The following CHST5 variants were observed in gnomAD, a reference collection of about 807,000 sequenced individuals.
CHST5 encodes GST4-alpha.
For missense variants in CHST5, 637 were observed against 602.1 expected, an observed-to-expected ratio of 1.06 and a Z score of -0.61; for synonymous variants, 313 against 279.2, an observed-to-expected ratio of 1.12 and a Z score of -1.21.
Position 75,529,733 on chromosome 16 carries a change from G to T in CHST5, c.652C>A (p.Arg218Ser). Reference sequence around the variant, plus strand: ...GGGTCGCGCACCAGGTGCACGATGCGCAGGTTGAGCGCGGGGTCGCTGAGC... The same window carrying T: ...GGGTCGCGCACCAGGTGCACGATGCTCAGGTTGAGCGCGGGGTCGCTGAGC... ...PLLSDPALNL[R>S]IVHLVRDPRA... The change falls in exon 4 of 4, where the codon CGC becomes AGC. Residue 218 changes from arginine to serine, a missense_variant. Transcript: ENST00000336257. 6.2e-7 allele frequency: 1 copy of T among 1,612,984 alleles called. No individual in the cohort carries two copies. The highest frequency in any genetic ancestry group is 8.5e-7 in the Non-Finnish European group (1 of 1,179,738).
At position 75,533,091 on chromosome 16, in the gene CHST5, G is replaced by C; in HGVS notation, c.-1259C>G. 1 of 701,600 alleles carries C rather than the reference G, an allele frequency of 1.4e-6. No homozygotes were observed. Among genetic ancestry groups the C allele is most frequent in the Non-Finnish European group, 2.6e-6 (1 of 384,380 alleles). 43.5% of individuals were successfully genotyped at this position (701,600 alleles called of 1,614,324 possible). On this transcript the variant is annotated splice_region_variant and 5_prime_UTR_variant, in exon 3 of 4. Transcript: ENST00000336257. ...TCCCAAGCTAAGGTGTTTGTTACCT[G>C]TGTTCCAGGAAAGCCAGAGGTCTTC...
rs71394224 is a variant in CHST5 at position 75,529,020 on chromosome 16, G to A, written c.*129C>T. On this transcript the variant is annotated 3_prime_UTR_variant, in exon 4 of 4. Transcript: ENST00000336257. ...ACGTGCAGTCCTTGCCTACTTCAGG[G>A]GAGGACCCCAAACTCCCGGTTGATA... 18,808 of 1,000,496 alleles carry A rather than the reference G, an allele frequency of 0.019. 217 individuals carry two copies. The highest frequency in any genetic ancestry group is 0.022 in the Non-Finnish European group (15,576 of 700,822). 62.0% of individuals were successfully genotyped at this position (1,000,496 alleles called of 1,614,324 possible). A position where few individuals can be genotyped will look rare whatever the true frequency, so the allele number is the denominator to read the frequency against.
chr16:75,530,678 T>G lies in CHST5; in HGVS notation c.-294A>C, dbSNP rs987218536. On this transcript the variant is annotated 5_prime_UTR_variant, in exon 4 of 4. Coordinates refer to ENST00000336257, the MANE Select transcript of CHST5 (RefSeq NM_024533.5). ...TCAAAGAGAACTCCTGTCTTTTGCT[T>G]CAGGATACCTCTTAGAGAGACCCTT... 2.4e-6 allele frequency: 3 copies of G among 1,251,056 alleles called. No homozygotes were observed. The African/African-American group carries it at 4.6e-5, about 19-fold the overall frequency. The allele number at this position is 1,251,056 out of a possible 1,614,324, so 77.5% of individuals were successfully genotyped here.
rs2080486157 is a variant in CHST5 at position 75,529,038 on chromosome 16, G to T, written c.*111C>A. On this transcript the variant is annotated 3_prime_UTR_variant, in exon 4 of 4. Coordinates refer to ENST00000336257, the MANE Select transcript of CHST5 (RefSeq NM_024533.5). ...CTTCAGGGGAGGACCCCAAACTCCC[G>T]GTTGATAGTAGGGACCTGCTTCCCC... 2.5e-6 allele frequency: 3 copies of T among 1,216,906 alleles called. No homozygotes were observed. Among genetic ancestry groups the T allele is most frequent in the Non-Finnish European group, 3.4e-6 (3 of 894,118 alleles). The allele number at this position is 1,216,906 out of a possible 1,614,324, so 75.4% of individuals were successfully genotyped here. A position where few individuals can be genotyped will look rare whatever the true frequency, so the allele number is the denominator to read the frequency against.
chr16:75,534,951 C>A (rs1337471208), intron 2 of CHST5, among the ~76,000 whole-genome samples, 176 bp downstream of exon 2: 1 of 152,216 alleles, frequency 6.6e-6, no homozygotes, highest in African/African-American at 2.4e-5. Flanking sequence ...TCCAAACCAG[C>A]GCTAGCAGGG....
At position 75,530,169 on chromosome 16, in the gene CHST5, GC is replaced by G; in HGVS notation, c.215del (p.Arg72ProfsTer20). 1 of 1,613,642 alleles carries G rather than the reference GC, an allele frequency of 6.2e-7. No individual in the cohort carries two copies. On this transcript the variant is annotated frameshift_variant, in exon 4 of 4. Transcript: ENST00000336257. LOFTEE classifies it low-confidence loss of function (END_TRUNC). ...GCTGGCCCAAGAAGGATGAGCCCGA[GC>G]GCCACGAGGACAGCACCAGCACGTG... is the stretch of plus-strand genomic sequence containing the variant. The part of the protein sequence containing the change: ...RVHVLVLSSW[R>X]SGSSFLGQLF...
At chr16:75,532,001 C>A (rs1036297742) in intron 3 of CHST5, among the ~76,000 whole-genome samples, 1 of 152,152 alleles carries the variant, frequency 6.6e-6, no homozygotes, top group Non-Finnish European at 1.5e-5. Flanking sequence ...TCAATTTGCA[C>A]CTCTGTAGAA....
At chr16:75,533,715 T>C (rs1747044432) in intron 2 of CHST5, among the ~76,000 whole-genome samples, 1 of 151,958 alleles carries the variant, frequency 6.6e-6, no homozygotes, top group Admixed American at 6.6e-5. Flanking sequence ...CTTGCCTCTG[T>C]GTAAAAGGAG....
Position 75,531,642 on chromosome 16 carries a change from T to TG in CHST5, c.-1256-3dup. 7.7e-7 allele frequency: 1 copy of TG among 1,303,762 alleles called. No individual in the cohort carries two copies. The highest frequency in any genetic ancestry group is 1.2e-5 in the South Asian group (1 of 81,014). The allele number at this position is 1,303,762 out of a possible 1,614,324, so 80.8% of individuals were successfully genotyped here. A position where few individuals can be genotyped will look rare whatever the true frequency, so the allele number is the denominator to read the frequency against. On this transcript the variant is annotated splice_region_variant and splice_polypyrimidine_tract_variant and intron_variant, in intron 3 of 3. Coordinates refer to ENST00000336257, the MANE Select transcript of CHST5 (RefSeq NM_024533.5). ...AATCCATGGGAGATGTCTCGACATCTGGCAAAGCAGGAAGGAGAGGAGATC... is the reference window on the plus strand; with the variant it reads ...AATCCATGGGAGATGTCTCGACATCTGGGCAAAGCAGGAAGGAGAGGAGATC...
chr16:75,535,615 G>A (rs992898813), intron 1 of CHST5, among the ~76,000 whole-genome samples: 1 of 152,186 alleles, frequency 6.6e-6, no homozygotes, highest in African/African-American at 2.4e-5. Flanking sequence ...ACGTGGCTGC[G>A]GTCCCAGGGT....
chr16:75,533,012 C>A, intron 3 of CHST5, 77 bp downstream of exon 3: 4 of 643,894 alleles, frequency 6.2e-6, no homozygotes, highest in South Asian at 5.3e-5. Context: ...TGCTCTGGCC[C>A]AAACACAGTT....
chr16:75,530,485 A>C lies in CHST5; in HGVS notation c.-101T>G. ...AAGACTCCCAAGGTCTCAGTCGAGC[A>C]CTTTCCCAGGAATACGGAGTCAAGA... is the stretch of plus-strand genomic sequence containing the variant. On this transcript the variant is annotated 5_prime_UTR_variant, in exon 4 of 4. Coordinates refer to ENST00000336257, the MANE Select transcript of CHST5 (RefSeq NM_024533.5). The C allele has an allele frequency of 6.9e-7, 1 of 1,450,652 alleles. No homozygotes were observed. Among genetic ancestry groups the C allele is most frequent in the Non-Finnish European group, 9.1e-7 (1 of 1,099,750 alleles). 89.9% of individuals were successfully genotyped at this position (1,450,652 alleles called of 1,614,324 possible).
chr16:75,529,448 T>G lies in CHST5; in HGVS notation c.937A>C (p.Thr313Pro). 6.2e-7 allele frequency: 1 copy of G among 1,612,828 alleles called. No homozygotes were observed. Among genetic ancestry groups the G allele is most frequent in the Non-Finnish European group, 8.5e-7 (1 of 1,179,878 alleles). Residue 313 changes from threonine (T) to proline (P), a missense_variant, in exon 4 of 4, where the codon ACC (threonine) becomes CCC (proline). Transcript: ENST00000336257. ...AGCTGTGGCGTGAGGGTCAGGCCGG[T>G]GAAGGCGTAGAGTGCGCGGATCTCT... The part of the protein sequence containing the change: ...LAEIRALYAF[T>P]GLTLTPQLEA...
Position 75,529,504 on chromosome 16 carries a change from C to T in CHST5, c.881G>A (p.Arg294His), listed in dbSNP as rs151105071. The T allele has an allele frequency of 8.7e-6, 14 of 1,611,138 alleles. No individual in the cohort carries two copies. The highest frequency in any genetic ancestry group is 1.0e-5 in the Non-Finnish European group (12 of 1,179,646). The change falls in exon 4 of 4, where the codon CGC becomes CAC. Residue 294 changes from arginine to histidine, a missense_variant. Physicochemically the swap from Arg to His is conservative, Grantham distance 29. Coordinates refer to ENST00000336257, the MANE Select transcript of CHST5 (RefSeq NM_024533.5). ...CGGCTCCCGCGCCAGGTCCTCGAAGCGCACCAGGCGGTAGCGGCCGCGCAG... is the reference window on the plus strand; with the variant it reads ...CGGCTCCCGCGCCAGGTCCTCGAAGTGCACCAGGCGGTAGCGGCCGCGCAG... ...PFLRGRYRLV[R>H]FEDLAREPLA... is the part of the protein sequence containing the mutation.
At chr16:75,534,105 T>G (rs1322115354) in intron 2 of CHST5, among the ~76,000 whole-genome samples, 1 of 151,258 alleles carries the variant, frequency 6.6e-6, no homozygotes, top group Non-Finnish European at 1.5e-5. Context: ...TCCCAGTGTT[T>G]TGGGAGGCCA....
Position 75,529,038 on chromosome 16 carries a change from G to C in CHST5, c.*111C>G, listed in dbSNP as rs2080486157. On this transcript the variant is annotated 3_prime_UTR_variant, in exon 4 of 4. Transcript: ENST00000336257. Reference sequence around the variant, plus strand: ...CTTCAGGGGAGGACCCCAAACTCCCGGTTGATAGTAGGGACCTGCTTCCCC... The same window carrying C: ...CTTCAGGGGAGGACCCCAAACTCCCCGTTGATAGTAGGGACCTGCTTCCCC... The C allele has an allele frequency of 3.3e-6, 4 of 1,217,024 alleles. No individual in the cohort carries two copies. In the South Asian group the frequency reaches 4.8e-5, roughly 15 times the overall value. The allele number at this position is 1,217,024 out of a possible 1,614,324, so 75.4% of individuals were successfully genotyped here. A position where few individuals can be genotyped will look rare whatever the true frequency, so the allele number is the denominator to read the frequency against.
In CHST5 at chr16:75,530,851, C is replaced by T. The variant is rs1339100384; in HGVS notation, c.-467G>A. 1 of 997,706 alleles carries T rather than the reference C, an allele frequency of 1.0e-6. No individual in the cohort carries two copies. The highest frequency in any genetic ancestry group is 1.8e-5 in the African/African-American group (1 of 56,854). 61.8% of individuals were successfully genotyped at this position (997,706 alleles called of 1,614,324 possible). A position where few individuals can be genotyped will look rare whatever the true frequency, so the allele number is the denominator to read the frequency against. ...ACTTAAATCTCTCTGTGACGGATCACTTTACCCGTGTGTGAAAGAGGGATA... is the reference window on the plus strand; with the variant it reads ...ACTTAAATCTCTCTGTGACGGATCATTTTACCCGTGTGTGAAAGAGGGATA... On this transcript the variant is annotated 5_prime_UTR_variant, in exon 4 of 4. The change creates a new upstream start codon in the 5' untranslated region. Transcript: ENST00000336257.
chr16:75,529,944 C>T lies in CHST5; in HGVS notation c.441G>A (p.Thr147=), dbSNP rs376766009. Reference sequence around the variant, plus strand: ...CGGGCGGCGAGCACAGCGCGCGGCTCGTTGCCCAGTTGAAAAAGGCGGACA... The same window carrying T: ...CGGGCGGCGAGCACAGCGCGCGGCTTGTTGCCCAGTTGAAAAAGGCGGACA... ...RNLSAFFNWA[T]SRALCSPPAC... Residue 147 remains threonine, a synonymous_variant, in exon 4 of 4, where the codon ACG becomes ACA. Transcript: ENST00000336257. The T allele has an allele frequency of 3.6e-5, 58 of 1,613,146 alleles. No individual in the cohort carries two copies. Among genetic ancestry groups the T allele is most frequent in the Non-Finnish European group, 4.5e-5 (53 of 1,179,950 alleles).
rs112749155 is a variant in CHST5 at position 75,530,500 on chromosome 16, C to T, written c.-116G>A. ...TCAGTCGAGCACTTTCCCAGGAATA[C>T]GGAGTCAAGACATAGGCCAGAATAT... On this transcript the variant is annotated 5_prime_UTR_variant, in exon 4 of 4. Coordinates refer to ENST00000336257, the MANE Select transcript of CHST5 (RefSeq NM_024533.5). 4.1e-6 allele frequency: 6 copies of T among 1,449,006 alleles called. No homozygotes were observed. The highest frequency in any genetic ancestry group is 3.0e-5 in the South Asian group (2 of 67,072). 89.8% of individuals were successfully genotyped at this position (1,449,006 alleles called of 1,614,324 possible).
Sources: allele counts gnomAD v4.1 joint callset (sites outside exome capture counted in the v4.1 genomes callset), GRCh38; gene constraint gnomAD v4.1.1; transcripts MANE v1.5; gene names NCBI Gene and HGNC (gene_info 2026-07-23, HGNC 2026-07-21).